The following CACNA2D3 variants were observed in gnomAD, a reference collection of about 807,000 sequenced individuals.
CACNA2D3 encodes the protein voltage-dependent calcium channel subunit alpha-2/delta-3.
CACNA2D3 carries 60 observed loss-of-function variants against 160.6 expected under a neutral mutation model. The observed-to-expected ratio is 0.37, with a 90% confidence interval of 0.30 to 0.46. CACNA2D3 has a LOEUF of 0.46. Among genes scored for constraint, CACNA2D3 ranks in the 20% least tolerant of loss-of-function variants. The probability of loss-of-function intolerance (pLI) is 1.00; values close to 1 mark genes in which losing one functional copy is unlikely to be tolerated. For missense variants in CACNA2D3, 1,205 were observed against 1,365.0 expected (o/e 0.88, Z 1.85); for synonymous variants, 558 against 492.9 (o/e 1.13, Z -1.75).
chr3:54,931,620 C>A (rs1459644193), intron 27 of CACNA2D3, among the ~76,000 whole-genome samples: 1 of 152,176 alleles, frequency 6.6e-6, no homozygotes, highest in Non-Finnish European at 1.5e-5. Flanking sequence ...GCCAGGACCC[C>A]AGGTTCCCAC....
chr3:54,733,774 T>G lies in CACNA2D3; in HGVS notation c.1168-18825T>G, dbSNP rs60316988. Among the ~76,000 whole-genome samples the G allele has an allele frequency of 5.6e-3, 852 of 152,322 alleles. 12 individuals carry two copies. Among genetic ancestry groups the G allele is most frequent in the African/African-American group, 0.02 (815 of 41,562 alleles). ...AAACTTAAAGGCAGTATAATAATTG[T>G]AGCACTGACTACCCTAACCTGACAG... On this transcript the variant is annotated intron_variant, in intron 11 of 37. Coordinates refer to ENST00000474759, the MANE Select transcript of CACNA2D3 (RefSeq NM_018398.3).
At position 54,313,395 on chromosome 3, in the gene CACNA2D3, TTACTC is replaced by T. The variant is rs1703786149; in HGVS notation, c.205-7044_205-7040del. ...CTTGTCTCCATCCAGTTTTGCCCCC[TTACTC>T]TATTCTGCACACTGAGGTTATTCAA... On this transcript the variant is annotated intron_variant, in intron 2 of 37. Transcript: ENST00000474759. Among the ~76,000 whole-genome samples, 3 of 152,192 alleles carry T rather than the reference TTACTC, an allele frequency of 2.0e-5. No homozygotes were observed. The South Asian group carries it at 6.2e-4, about 32-fold the overall frequency.
chr3:54,856,955 T>C (rs944742829), intron 17 of CACNA2D3, among the ~76,000 whole-genome samples: 2 of 152,168 alleles, frequency 1.3e-5, no homozygotes, highest in South Asian at 4.1e-4. Flanking sequence ...TGACTTTTTG[T>C]GTTTTAGTAG....
At chr3:54,642,302 C>T in intron 11 of CACNA2D3, 61 bp downstream of exon 11, 1 of 928,974 alleles carries the variant, frequency 1.1e-6, no homozygotes, top group Non-Finnish European at 1.6e-6. Flanking sequence ...CTGTAATCTC[C>T]AGCTTGTCCA....
rs1700286091 is a variant in CACNA2D3, at chr3:54,899,867, A to C, written c.2448A>C (p.Ala816=). 2 of 1,591,008 alleles carry C rather than the reference A, an allele frequency of 1.3e-6. No individual in the cohort carries two copies. Among genetic ancestry groups the C allele is most frequent in the Non-Finnish European group, 1.7e-6 (2 of 1,166,506 alleles). The change falls in exon 27 of 38, where the codon GCA becomes GCC. Residue 816 remains alanine (A), a splice_region_variant and synonymous_variant. Coordinates refer to ENST00000474759, the MANE Select transcript of CACNA2D3 (RefSeq NM_018398.3). Reference sequence around the variant, plus strand: ...ATGAACGGAAATCTCCTGTGGTGGCAGGTAAATAATTGATTGAATCCATGA... The same window carrying C: ...ATGAACGGAAATCTCCTGTGGTGGCCGGTAAATAATTGATTGAATCCATGA... ...LLDERKSPVV[A]AVGIQMKLEF...
intron 13 of CACNA2D3, among the ~76,000 whole-genome samples, chr3:54,809,894 C>G (rs960378722): frequency 1.3e-5 from 2 of 152,138 alleles, no homozygotes; most frequent in African/African-American, 2.4e-5. Flanking sequence ...GATACAGTCC[C>G]TCGGTAGATC....
chr3:54,229,200 T>G (rs1360410113), intron 2 of CACNA2D3, among the ~76,000 whole-genome samples: 1 of 152,110 alleles, frequency 6.6e-6, no homozygotes, highest in Non-Finnish European at 1.5e-5. Context: ...ATTAATTTTT[T>G]TTTTTTTTTG....
chr3:54,707,026 A>G (rs764285098), intron 11 of CACNA2D3, among the ~76,000 whole-genome samples: 10 of 152,210 alleles, frequency 6.6e-5, no homozygotes, highest in Non-Finnish European at 1.3e-4. Flanking sequence ...TATTTCTCTT[A>G]CAAAGGCCTC....
At position 55,055,326 on chromosome 3, in the gene CACNA2D3, G is replaced by A. The variant is rs562170006; in HGVS notation, c.2988-18119G>A. ...TGTTGAAGAGACTGTCCTTTTCTCA[G>A]TGTGTATTCCAGTAAAAATCAGTTG... On this transcript the variant is annotated intron_variant, in intron 35 of 37. Coordinates refer to ENST00000474759, the MANE Select transcript of CACNA2D3 (RefSeq NM_018398.3). Among the ~76,000 whole-genome samples, 12 of 152,186 alleles carry A rather than the reference G, an allele frequency of 7.9e-5. No homozygotes were observed. In the South Asian group the frequency reaches 1.0e-3, roughly 13 times the overall value.
chr3:54,999,526 A>G (rs981100036), intron 31 of CACNA2D3, among the ~76,000 whole-genome samples: 22 of 152,178 alleles, frequency 1.4e-4, no homozygotes, highest in Admixed American at 3.9e-4. Flanking sequence ...CTCTATGTCT[A>G]ATGCCTCCCT....
chr3:54,659,555 C>T (rs373529629), intron 11 of CACNA2D3, among the ~76,000 whole-genome samples: 9 of 152,292 alleles, frequency 5.9e-5, no homozygotes, highest in African/African-American at 2.2e-4. Flanking sequence ...TACGGCTTCC[C>T]TGTTGAGCTT....
chr3:54,806,633 GT>G (rs1703134478), intron 13 of CACNA2D3, among the ~76,000 whole-genome samples: 1 of 152,102 alleles, frequency 6.6e-6, no homozygotes, highest in African/African-American at 2.4e-5. Context: ...GCTGCCCAAG[GT>G]AATTTATAGA....
intron 27 of CACNA2D3, among the ~76,000 whole-genome samples, chr3:54,950,281 C>T (rs989632733): frequency 3.3e-5 from 5 of 152,274 alleles, no homozygotes; most frequent in Non-Finnish European, 5.9e-5. Context: ...CCCAAATGAA[C>T]GTAGATGTTA....
intron 4 of CACNA2D3, among the ~76,000 whole-genome samples, chr3:54,420,841 C>T (rs990159758): frequency 6.6e-6 from 1 of 152,108 alleles, no homozygotes; most frequent in African/African-American, 2.4e-5. Context: ...AGTGGGTAAA[C>T]GTTAGGATTT....
intron 11 of CACNA2D3, among the ~76,000 whole-genome samples, chr3:54,648,799 G>T (rs909290987): frequency 5.9e-5 from 9 of 152,230 alleles, no homozygotes; most frequent in African/African-American, 1.9e-4. Context: ...GGAGGAGCAG[G>T]TATGTCACAT....
At chr3:54,285,850 A>G (rs180974222) in intron 2 of CACNA2D3, among the ~76,000 whole-genome samples, 291 of 152,378 alleles carry the variant, frequency 1.9e-3, no homozygotes, top group African/African-American at 6.7e-3. Context: ...ACACTTCAAC[A>G]GACCTGCAGC....
chr3:54,203,787 G>A (rs1241711379), intron 2 of CACNA2D3, among the ~76,000 whole-genome samples: 7 of 152,032 alleles, frequency 4.6e-5, no homozygotes, highest in Non-Finnish European at 1.0e-4. Flanking sequence ...CTGTCCGGCC[G>A]CTTGTGTCTT....
At chr3:54,930,887 A>G (rs1244289571) in intron 27 of CACNA2D3, among the ~76,000 whole-genome samples, 2 of 152,186 alleles carry the variant, frequency 1.3e-5, no homozygotes, top group Non-Finnish European at 2.9e-5. Flanking sequence ...AGTTGAGGAC[A>G]GGAGTTCGAG....
At chr3:54,930,420 TAGAC>T (rs1197097138) in intron 27 of CACNA2D3, among the ~76,000 whole-genome samples, 6 of 152,234 alleles carry the variant, frequency 3.9e-5, no homozygotes, top group African/African-American at 1.4e-4. Flanking sequence ...TAAGGGGGCT[TAGAC>T]AGACAGAGAA....
Sources: allele counts gnomAD v4.1 joint callset (sites outside exome capture counted in the v4.1 genomes callset), GRCh38; gene constraint gnomAD v4.1.1; transcripts MANE v1.5; gene names NCBI Gene and HGNC (gene_info 2026-07-23, HGNC 2026-07-21).